The following GRID2 variants were observed in gnomAD, a reference collection of about 807,000 sequenced individuals.
GRID2 encodes glutamate receptor ionotropic, delta-2.
GRID2 carries 33 observed loss-of-function variants against 114.8 expected under a neutral mutation model. The ratio of observed to expected loss-of-function variants is 0.29; its 90% CI spans 0.22 to 0.38. GRID2 has a LOEUF of 0.38. Ranked by LOEUF, GRID2 falls within the 10% of genes least tolerant of loss-of-function variation. The probability of loss-of-function intolerance (pLI) is 1.00; values close to 1 mark genes in which losing one functional copy is unlikely to be tolerated. For synonymous variants in GRID2, 505 were observed against 449.9 expected, an observed-to-expected ratio of 1.12 and a Z score of -1.55; for missense variants, 1,184 against 1,257.7, an observed-to-expected ratio of 0.94 and a Z score of 0.89.
intron 8 of GRID2, among the ~76,000 whole-genome samples, chr4:93,270,251 C>CAT (rs988608515): frequency 6.9e-6 from 1 of 144,618 alleles, no homozygotes; most frequent in Non-Finnish European, 1.5e-5. Flanking sequence ...CACACACACA[C>CAT]ACACACACGA....
At chr4:92,978,580 G>T (rs1251870110) in intron 2 of GRID2, among the ~76,000 whole-genome samples, 3 of 151,926 alleles carry the variant, frequency 2.0e-5, no homozygotes, top group African/African-American at 7.3e-5. Context: ...GGTCCCCTCT[G>T]GCTTGTTTTC....
chr4:92,843,236 T>C (rs1743048554), intron 2 of GRID2, among the ~76,000 whole-genome samples: 1 of 151,862 alleles, frequency 6.6e-6, no homozygotes, highest in Non-Finnish European at 1.5e-5. Context: ...AGTAAGACTC[T>C]GTCTCCGAAA....
chr4:92,887,623 T>G (rs1214648970), intron 2 of GRID2, among the ~76,000 whole-genome samples: 1 of 152,194 alleles, frequency 6.6e-6, no homozygotes, highest in Non-Finnish European at 1.5e-5. Flanking sequence ...CATTAGATAA[T>G]GGTGCTAGGA....
At chr4:93,168,179 G>A (rs1738439715) in intron 4 of GRID2, among the ~76,000 whole-genome samples, 1 of 150,874 alleles carries the variant, frequency 6.6e-6, no homozygotes, top group Non-Finnish European at 1.5e-5. Context: ...TCCAGCCTGA[G>A]CAACAGAGTG....
At chr4:92,693,924 CAG>C (rs2149295345) in intron 2 of GRID2, among the ~76,000 whole-genome samples, 1 of 152,024 alleles carries the variant, frequency 6.6e-6, no homozygotes, top group African/African-American at 2.4e-5. Flanking sequence ...ATTTTTTTAA[CAG>C]AGAGTTGTGA....
chr4:93,290,197 G>C (rs1202403432), intron 8 of GRID2, among the ~76,000 whole-genome samples: 1 of 152,118 alleles, frequency 6.6e-6, no homozygotes, highest in Non-Finnish European at 1.5e-5. Flanking sequence ...TCATGTTCAA[G>C]TTCCTCAATG....
Position 92,901,926 on chromosome 4 carries a change from C to T in GRID2, c.245-183069C>T, listed in dbSNP as rs181842869. On this transcript the variant is annotated intron_variant, in intron 2 of 15. Coordinates refer to ENST00000282020, the MANE Select transcript of GRID2 (RefSeq NM_001510.4). ...TTCTTTACTGCTCAATTTTCAAGAA[C>T]GGTTTTAATAGGCCTGGTATCAGTT... Among the ~76,000 whole-genome samples, 614 of 151,854 alleles carry T rather than the reference C, an allele frequency of 4.0e-3. 7 individuals are homozygous for T. Among genetic ancestry groups the T allele is most frequent in the African/African-American group, 0.013 (557 of 41,440 alleles).
At chr4:92,576,263 A>G (rs534730247) in intron 1 of GRID2, among the ~76,000 whole-genome samples, 5 of 152,318 alleles carry the variant, frequency 3.3e-5, no homozygotes, top group Non-Finnish European at 7.3e-5. Context: ...GCTGTGCTGC[A>G]CTGTTGGAAT....
intron 2 of GRID2, among the ~76,000 whole-genome samples, chr4:92,836,638 T>G (rs939286894): frequency 1.3e-5 from 2 of 152,110 alleles, no homozygotes; most frequent in Non-Finnish European, 2.9e-5. Context: ...GGCAGAAATA[T>G]CAAGGAAAAG....
At chr4:93,262,618 A>G (rs565006141) in intron 8 of GRID2, among the ~76,000 whole-genome samples, 24 of 152,142 alleles carry the variant, frequency 1.6e-4, no homozygotes, top group African/African-American at 5.3e-4. Flanking sequence ...GAAAAGAAAA[A>G]GAAAAATCAT....
chr4:93,622,155 G>A (rs1390085189), intron 13 of GRID2, among the ~76,000 whole-genome samples: 1 of 152,100 alleles, frequency 6.6e-6, no homozygotes, highest in East Asian at 1.9e-4. Flanking sequence ...TTTAGACCTA[G>A]GGAGCTATAA....
intron 2 of GRID2, among the ~76,000 whole-genome samples, chr4:92,988,283 AG>A (rs1246918374): frequency 6.6e-6 from 1 of 152,134 alleles, no homozygotes; most frequent in Non-Finnish European, 1.5e-5. Flanking sequence ...GGTGGTAGGC[AG>A]GGTTTTGCTC....
chr4:93,505,338 T>C (rs1175585522), intron 12 of GRID2, among the ~76,000 whole-genome samples: 4 of 152,042 alleles, frequency 2.6e-5, no homozygotes, highest in African/African-American at 9.7e-5. Flanking sequence ...ATTGCATTAT[T>C]TGAAGATATC....
At chr4:93,171,372 C>T (rs1204336020) in intron 4 of GRID2, among the ~76,000 whole-genome samples, 1 of 152,196 alleles carries the variant, frequency 6.6e-6, no homozygotes, top group Non-Finnish European at 1.5e-5. Context: ...ATTGTCTTCT[C>T]AATGAGGCTT....
At chr4:92,443,803 A>G (rs928305482) in intron 1 of GRID2, among the ~76,000 whole-genome samples, 3 of 152,260 alleles carry the variant, frequency 2.0e-5, no homozygotes, top group African/African-American at 7.2e-5. Context: ...GCGTGGTATG[A>G]CACCTTTGAA....
intron 5 of GRID2, among the ~76,000 whole-genome samples, chr4:93,214,080 A>G (rs1317277560): frequency 6.6e-6 from 1 of 152,038 alleles, no homozygotes; most frequent in Admixed American, 6.6e-5. Flanking sequence ...AAGGAAAATA[A>G]TTTTATAATT....
At chr4:93,548,873 G>A (rs1733491976) in intron 13 of GRID2, among the ~76,000 whole-genome samples, 1 of 151,892 alleles carries the variant, frequency 6.6e-6, no homozygotes, top group African/African-American at 2.4e-5. Flanking sequence ...CCTTTGCCAT[G>A]ATCAACAGTG....
chr4:92,797,010 C>A (rs1560597623), intron 2 of GRID2, among the ~76,000 whole-genome samples: 1 of 151,954 alleles, frequency 6.6e-6, no homozygotes, highest in East Asian at 2.0e-4. Flanking sequence ...ATTTTCATTT[C>A]TTTTTTTACA....
chr4:93,709,146 T>A (rs1578628041), intron 14 of GRID2, among the ~76,000 whole-genome samples: 1 of 152,284 alleles, frequency 6.6e-6, no homozygotes, highest in Admixed American at 6.5e-5. Context: ...TACAGTGTTA[T>A]AATATTCTGT....
Sources: gnomAD v4.1 joint callset for allele counts (sites outside exome capture counted in the v4.1 genomes callset) on GRCh38, gnomAD v4.1.1 for gene constraint, MANE v1.5 for transcripts, NCBI Gene and HGNC (gene_info 2026-07-23, HGNC 2026-07-21) for gene names.